Variants in WFDC5 observed in about 807,000 individuals in gnomAD.
The protein encoded by WFDC5 is WAP four-disulfide core domain protein 5.
In WFDC5, 15 loss-of-function variants were observed where a neutral mutation model predicts 15.7. That is an observed-to-expected ratio of 0.96 (90% CI 0.64 to 1.47). The LOEUF is 1.47. Among genes scored for constraint, WFDC5 ranks in the 40% most tolerant of loss-of-function variants. The pLI is 0.00. For missense variants in WFDC5, 280 were observed against 258.0 expected (o/e 1.09, Z -0.59); for synonymous variants, 109 against 107.7 (o/e 1.01, Z -0.07).
At chr20:45,113,084 C>T (rs930765479) in intron 1 of WFDC5, among the ~76,000 whole-genome samples, 7 of 152,174 alleles carry the variant, frequency 4.6e-5, no homozygotes, top group African/African-American at 1.7e-4. Context: ...ATGCACAGAG[C>T]TACACAGACA....
chr20:45,111,167 G>C lies in WFDC5; in HGVS notation c.86-392C>G, dbSNP rs1239213545. 2.0e-5 allele frequency among the ~76,000 whole-genome samples: 3 copies of C among 152,158 alleles called. No individual in the cohort carries two copies. The East Asian group carries it at 5.8e-4, about 29-fold the overall frequency. ...GGCTCTTGCTCGGGCCGCATCCTTTGCCTAGTGCACTTCTCCTGTACTCCA... is the reference window on the plus strand; with the variant it reads ...GGCTCTTGCTCGGGCCGCATCCTTTCCCTAGTGCACTTCTCCTGTACTCCA... On this transcript the variant is annotated intron_variant, in intron 1 of 3. Transcript: ENST00000307971.
chr20:45,111,748 AGAG>A (rs1981627058), intron 1 of WFDC5, among the ~76,000 whole-genome samples: 1 of 152,090 alleles, frequency 6.6e-6, no homozygotes. Flanking sequence ...TCCTCCATGT[AGAG>A]GAGGAAATCA....
exon 1 of WFDC5, chr20:45,115,082 A>G: frequency 6.2e-7 from 1 of 1,612,512 alleles, no homozygotes; most frequent in South Asian, 1.1e-5. Context: ...CTGGGTCCTC[A>G]TATTTCTGCT....
chr20:45,114,134 A>C (rs1600610876), intron 1 of WFDC5, among the ~76,000 whole-genome samples: 1 of 152,240 alleles, frequency 6.6e-6, no homozygotes, highest in Non-Finnish European at 1.5e-5. Flanking sequence ...CATGAATCAC[A>C]GCCAACACAG....
chr20:45,109,645 T>C (rs1981551810), exon 4 of WFDC5: 4 of 660,914 alleles, frequency 6.1e-6, no homozygotes, highest in Non-Finnish European at 1.1e-5. Flanking sequence ...TTCTGGATGG[T>C]TGGGCTGCCT....
intron 1 of WFDC5, among the ~76,000 whole-genome samples, chr20:45,113,316 A>C (rs1397988447): frequency 2.0e-5 from 3 of 152,170 alleles, no homozygotes; most frequent in Non-Finnish European, 4.4e-5. Context: ...ATTGTCTGAA[A>C]TTCTACCAAC....
Position 45,110,260 on chromosome 20 carries a change from C to T in WFDC5, c.393+114G>A, listed in dbSNP as rs921252052. 34 of 1,428,014 alleles carry T rather than the reference C, an allele frequency of 2.4e-5. No homozygotes were observed. In the East Asian group the frequency reaches 5.2e-4, roughly 22 times the overall value. The allele number at this position is 1,428,014 out of a possible 1,614,324, so 88.5% of individuals were successfully genotyped here. ...GTCATCCTAGCAGGACTCCTCCAACCCCTATCCAGTTTCCTAATCCTGGCC... is the reference window on the plus strand; with the variant it reads ...GTCATCCTAGCAGGACTCCTCCAACTCCTATCCAGTTTCCTAATCCTGGCC... On this transcript the variant is annotated intron_variant, in intron 3 of 3. Coordinates refer to ENST00000307971, the Ensembl canonical transcript of WFDC5.
chr20:45,114,889 ACG>A (rs137896112), intron 1 of WFDC5, 108 bp downstream of exon 1: 12,190 of 1,000,832 alleles, frequency 0.012, 15 homozygotes, highest in Non-Finnish European at 0.014. Context: ...GCACACACAC[ACG>A]CGCACACACA....
chr20:45,115,052 G>A (rs267605948), exon 1 of WFDC5: 13 of 1,613,450 alleles, frequency 8.1e-6, no homozygotes, highest in Non-Finnish European at 1.1e-5. Context: ...AGCCAGGAGG[G>A]CCCCCAGGAG....
chr20:45,110,435 C>G (rs749439837), exon 3 of WFDC5: 1 of 1,612,316 alleles, frequency 6.2e-7, no homozygotes, highest in Non-Finnish European at 8.5e-7. Flanking sequence ...CCCGCAGGCG[C>G]TGTGGCAGCA....
At chr20:45,114,883 ACACACACGCG>A (rs1422285037) in intron 1 of WFDC5, 106 bp downstream of exon 1, 4 of 1,043,618 alleles carry the variant, frequency 3.8e-6, no homozygotes, top group Admixed American at 2.3e-5. Flanking sequence ...ACGCACGCAC[ACACACACGCG>A]CACACACACC....
rs373859109 is a variant in WFDC5 at position 45,109,924 on chromosome 20, A to G, written c.483T>C (p.Ala161=). The change falls in exon 4 of 4, where the codon GCT becomes GCC. Residue 161 remains alanine (A), a synonymous_variant. Coordinates refer to ENST00000307971, the Ensembl canonical transcript of WFDC5. ...ACCGCTGGTAGAGATAGTGCTGTCC[A>G]GCGGGCAGGGCCCCAGGCCTCCCAT... 19 of 1,585,166 alleles carry G rather than the reference A, an allele frequency of 1.2e-5. 2 individuals are homozygous for G. The highest frequency in any genetic ancestry group is 5.4e-5 in the African/African-American group (4 of 74,440).
upstream of WFDC5, among the ~76,000 whole-genome samples, chr20:45,116,019 T>G (rs1279824849): frequency 6.6e-6 from 1 of 152,222 alleles, no homozygotes; most frequent in African/African-American, 2.4e-5. Context: ...GAGAGGGGAC[T>G]GGCCCAAGGA....
chr20:45,112,147 A>G (rs945872540), intron 1 of WFDC5, among the ~76,000 whole-genome samples: 1 of 151,860 alleles, frequency 6.6e-6, no homozygotes, highest in African/African-American at 2.4e-5. Flanking sequence ...GGGGAGGGGG[A>G]AAAAGTGTGG....
chr20:45,114,925 C>A (rs1049435750), intron 1 of WFDC5, 74 bp downstream of exon 1: 2 of 1,533,298 alleles, frequency 1.3e-6, no homozygotes, highest in African/African-American at 1.4e-5. Context: ...TACCTGCCTT[C>A]CCCCAAACCC....
At chr20:45,110,356 C>T in intron 3 of WFDC5, 44 bp downstream of exon 3, 1 of 1,558,702 alleles carries the variant, frequency 6.4e-7, no homozygotes, top group Non-Finnish European at 8.7e-7. Context: ...TAGAGCTGGG[C>T]TCGGAGAGGG....
At position 45,112,901 on chromosome 20, in the gene WFDC5, A is replaced by G. The variant is rs534712611; in HGVS notation, c.85+2098T>C. 3.8e-3 allele frequency among the ~76,000 whole-genome samples: 582 copies of G among 152,352 alleles called. 1 individual carries two copies. Among genetic ancestry groups the G allele is most frequent in the Non-Finnish European group, 5.1e-3 (350 of 68,036 alleles). On this transcript the variant is annotated intron_variant, in intron 1 of 3. Transcript: ENST00000307971. ...TATAAACAGGCAGTCATGTATGTAC[A>G]TATGAGCTGGAACATAATCACTGTC...
chr20:45,109,516 C>T, exon 4 of WFDC5: 1 of 525,994 alleles, frequency 1.9e-6, no homozygotes, highest in Non-Finnish European at 3.4e-6. Context: ...TTAAAGAAAA[C>T]ATTAAGTAAA....
At chr20:45,110,741 G>A (rs770090016) in exon 2 of WFDC5, 2 of 1,614,196 alleles carry the variant, frequency 1.2e-6, no homozygotes, top group Non-Finnish European at 1.7e-6. Flanking sequence ...ATAGGAGGCA[G>A]GGCCCATCAT....
Sources: gnomAD v4.1 joint callset for allele counts (sites outside exome capture counted in the v4.1 genomes callset) on GRCh38, gnomAD v4.1.1 for gene constraint, MANE v1.5 for transcripts, NCBI Gene and HGNC (gene_info 2026-07-23, HGNC 2026-07-21) for gene names.